CNTN4: variants seen among roughly 807,000 people sequenced by gnomAD.
CNTN4 encodes contactin-4.
In CNTN4, 77 loss-of-function variants were observed where a neutral mutation model predicts 122.5. The ratio of observed to expected loss-of-function variants is 0.63; its 90% CI spans 0.52 to 0.76. The LOEUF (loss-of-function observed/expected upper bound fraction) is 0.76. CNTN4 is among the 30% of genes least tolerant of loss of function. CNTN4 has a pLI of 0.00. For missense variants in CNTN4, 1,256 were observed against 1,259.1 expected (o/e 1.00, Z 0.04); for synonymous variants, 512 against 447.0 (o/e 1.15, Z -1.83).
At chr3:2,731,655 G>C (rs892093540) in intron 4 of CNTN4, among the ~76,000 whole-genome samples, 2 of 152,146 alleles carry the variant, frequency 1.3e-5, no homozygotes, top group African/African-American at 2.4e-5. Flanking sequence ...CTCTAATAAT[G>C]TGAGCCCATG....
At chr3:2,146,694 T>C (rs1574937942) in intron 2 of CNTN4, among the ~76,000 whole-genome samples, 2 of 152,276 alleles carry the variant, frequency 1.3e-5, no homozygotes, top group Admixed American at 1.3e-4. Flanking sequence ...AAAGATGATA[T>C]GACTCTTCAG....
chr3:2,486,058 C>G (rs934549164), intron 3 of CNTN4, among the ~76,000 whole-genome samples: 2 of 152,198 alleles, frequency 1.3e-5, no homozygotes, highest in African/African-American at 4.8e-5. Flanking sequence ...TAACATTCAT[C>G]TCGAAGGTCT....
intron 2 of CNTN4, among the ~76,000 whole-genome samples, chr3:2,321,223 G>A (rs566266270): frequency 6.6e-6 from 1 of 152,246 alleles, no homozygotes; most frequent in South Asian, 2.1e-4. Context: ...ATTGTGAAAT[G>A]TGGCTTAGAA....
At chr3:2,326,113 GA>G (rs1290654260) in intron 2 of CNTN4, among the ~76,000 whole-genome samples, 1 of 152,198 alleles carries the variant, frequency 6.6e-6, no homozygotes, top group Admixed American at 6.5e-5. Context: ...TGAATTAGTA[GA>G]TGGAATAAAG....
At chr3:2,731,724 C>G (rs1194322826) in intron 4 of CNTN4, among the ~76,000 whole-genome samples, 2 of 152,200 alleles carry the variant, frequency 1.3e-5, no homozygotes, top group African/African-American at 4.8e-5. Context: ...TTTGGGGACC[C>G]AAGTGTAAAA....
chr3:2,240,889 A>G (rs928217373), intron 2 of CNTN4, among the ~76,000 whole-genome samples: 2 of 152,158 alleles, frequency 1.3e-5, no homozygotes, highest in African/African-American at 4.8e-5. Flanking sequence ...CAGGCATTAC[A>G]GTTTGAAATC....
chr3:2,636,938 T>TG (rs546655314), intron 4 of CNTN4, among the ~76,000 whole-genome samples: 1 of 104,626 alleles, frequency 9.6e-6, no homozygotes, highest in African/African-American at 3.7e-5. Context: ...TTTTTTTTTT[T>TG]GGTTTTTTTT....
chr3:3,004,924 G>C (rs1469550322), intron 14 of CNTN4, among the ~76,000 whole-genome samples: 1 of 152,234 alleles, frequency 6.6e-6, no homozygotes, highest in African/African-American at 2.4e-5. Context: ...TTGGGTGGAG[G>C]CTGCCTGGTC....
intron 7 of CNTN4, among the ~76,000 whole-genome samples, chr3:2,840,614 G>A (rs1426888012): frequency 4.1e-5 from 5 of 122,420 alleles, no homozygotes; most frequent in South Asian, 3.4e-4. Flanking sequence ...CGGGAGAATG[G>A]CGGGAACCCG....
At chr3:2,978,192 C>T (rs1693607416) in intron 13 of CNTN4, among the ~76,000 whole-genome samples, 1 of 152,146 alleles carries the variant, frequency 6.6e-6, no homozygotes, top group Non-Finnish European at 1.5e-5. Flanking sequence ...GAAACTACTA[C>T]CACACCACAC....
At chr3:2,352,239 A>G (rs1466012632) in intron 3 of CNTN4, among the ~76,000 whole-genome samples, 1 of 152,180 alleles carries the variant, frequency 6.6e-6, no homozygotes, top group Non-Finnish European at 1.5e-5. Context: ...ACAATGTGCT[A>G]GCAGCCCTCG....
At chr3:2,282,388 G>T (rs199954066) in intron 2 of CNTN4, among the ~76,000 whole-genome samples, 2 of 152,018 alleles carry the variant, frequency 1.3e-5, no homozygotes, top group East Asian at 3.9e-4. Context: ...TCATTCTCTA[G>T]CAATGAGAGC....
At chr3:2,341,181 T>G (rs1212060717) in intron 3 of CNTN4, among the ~76,000 whole-genome samples, 1 of 152,208 alleles carries the variant, frequency 6.6e-6, no homozygotes, top group East Asian at 1.9e-4. Context: ...GTATTTCCTT[T>G]ATGAATACTG....
chr3:2,268,556 G>A (rs2041146963), intron 2 of CNTN4, among the ~76,000 whole-genome samples: 4 of 151,012 alleles, frequency 2.6e-5, no homozygotes, highest in Admixed American at 2.6e-4. Flanking sequence ...GTATGCTATT[G>A]TAAAACTATA....
At chr3:2,989,165 C>T (rs1694842775) in intron 14 of CNTN4, among the ~76,000 whole-genome samples, 2 of 152,186 alleles carry the variant, frequency 1.3e-5, no homozygotes, top group African/African-American at 4.8e-5. Flanking sequence ...TCTTAATTTA[C>T]ATTTCATTTG....
intron 24 of CNTN4, among the ~76,000 whole-genome samples, chr3:3,054,493 ATGT>A (rs1365580273): frequency 1.3e-5 from 2 of 152,230 alleles, no homozygotes; most frequent in African/African-American, 4.8e-5. Flanking sequence ...TCACTTTCAA[ATGT>A]TGTTGAATAG....
intron 4 of CNTN4, among the ~76,000 whole-genome samples, chr3:2,639,087 T>G (rs765737132): frequency 2.0e-4 from 30 of 152,220 alleles, no homozygotes; most frequent in Non-Finnish European, 2.8e-4. Context: ...ATCCGAGTGA[T>G]TCTTTTAAAA....
At chr3:2,458,975 C>CT (rs1336219361) in intron 3 of CNTN4, among the ~76,000 whole-genome samples, 40 of 152,162 alleles carry the variant, frequency 2.6e-4, no homozygotes, top group Admixed American at 2.6e-3. Context: ...GCATTCCACT[C>CT]TTTAGACAGA....
intron 9 of CNTN4, 126 bp from the exon 10 acceptor site, chr3:2,886,914 A>C (rs762181786): frequency 5.8e-4 from 402 of 696,394 alleles, no homozygotes; most frequent in Non-Finnish European, 9.3e-4. Context: ...ATGGAGATAG[A>C]GGAATGAATG....
Sources: gnomAD v4.1 joint callset for allele counts (sites outside exome capture counted in the v4.1 genomes callset) on GRCh38, gnomAD v4.1.1 for gene constraint, MANE v1.5 for transcripts, NCBI Gene and HGNC (gene_info 2026-07-23, HGNC 2026-07-21) for gene names.